CALHM4: variants seen among roughly 807,000 people sequenced by gnomAD.
CALHM4 encodes the protein calcium homeostasis modulator family member 4, also known as calcium homeostasis modulator protein 4.
Under a neutral mutation model 13.3 loss-of-function variants are expected in CALHM4, and 16 were observed. The observed-to-expected ratio is 1.20, with a 90% CI of 0.81 to 1.82. CALHM4 has a LOEUF of 1.82. Among genes scored for constraint, CALHM4 ranks in the 40% most tolerant of loss-of-function variants. CALHM4 has a pLI of 0.00. For missense variants in CALHM4, 344 were observed against 374.9 expected (o/e 0.92, Z 0.68); for synonymous variants, 127 against 137.1 (o/e 0.93, Z 0.52).
chr6:116,561,027 C>T lies in CALHM4; in HGVS notation c.*2816C>T, dbSNP rs1774568018. ...TGAATTGTAGAACCGCATTTATACT[C>T]TGTCCTTCTCTGTGTCTCTTTTCTC... is the stretch of plus-strand genomic sequence containing the variant. On this transcript the variant is annotated 3_prime_UTR_variant, in exon 2 of 2. Transcript: ENST00000368596. Among the ~76,000 whole-genome samples, 1 of 152,206 alleles carries T rather than the reference C, an allele frequency of 6.6e-6. No individual in the cohort carries two copies. Among genetic ancestry groups the T allele is most frequent in the Non-Finnish European group, 1.5e-5 (1 of 68,038 alleles).
At chr6:116,551,022 A>C (rs1211168270), upstream of CALHM4, among the ~76,000 whole-genome samples, 2 of 152,204 alleles carry the variant, frequency 1.3e-5, no homozygotes, top group Non-Finnish European at 2.9e-5. Context: ...CTGTGCCCCA[A>C]GGCCAATCAG....
At chr6:116,532,348 G>A (rs9488957) in intron 1 of CALHM4, among the ~76,000 whole-genome samples, 4,963 of 152,116 alleles carry the variant, frequency 0.033, 263 homozygotes, top group African/African-American at 0.11. Flanking sequence ...CTATCCTTCC[G>A]CGTCTTGCCT....
At chr6:116,557,305 A>G (rs1215458658) in intron 1 of CALHM4, among the ~76,000 whole-genome samples, 1 of 152,180 alleles carries the variant, frequency 6.6e-6, no homozygotes, top group African/African-American at 2.4e-5. Context: ...GCTGCAAAAG[A>G]TAAGAGGAAA....
intron 1 of CALHM4, among the ~76,000 whole-genome samples, chr6:116,535,334 C>T (rs575057885): frequency 6.6e-6 from 1 of 152,298 alleles, no homozygotes; most frequent in South Asian, 2.1e-4. Context: ...CCTTTTTAAT[C>T]TCCACTACAT....
chr6:116,536,454 T>C (rs1773099218), intron 1 of CALHM4, among the ~76,000 whole-genome samples: 1 of 152,230 alleles, frequency 6.6e-6, no homozygotes, highest in Non-Finnish European at 1.5e-5. Flanking sequence ...TACCTGAAGT[T>C]ACACAGTCCT....
Position 116,560,654 on chromosome 6 carries a change from G to C in CALHM4, c.*2443G>C, listed in dbSNP as rs976135596. The stretch of plus-strand genomic sequence containing the variant: ...TAAATGGAATTTTTAGTATTTTGGG[G>C]GGGGGGGGGGCTATGGTCTATAGCA... On this transcript the variant is annotated 3_prime_UTR_variant, in exon 2 of 2. Coordinates refer to ENST00000368596, the MANE Select transcript of CALHM4 (RefSeq NM_001366078.2). Among the ~76,000 whole-genome samples, 7 of 31,160 alleles carry C rather than the reference G, an allele frequency of 2.2e-4. No homozygotes were observed. The highest frequency in any genetic ancestry group is 4.0e-4 in the African/African-American group (7 of 17,480). 20.4% of individuals were successfully genotyped at this position (31,160 alleles called of 152,430 possible).
chr6:116,546,578 C>T (rs1378501288), intron 2 of CALHM4, among the ~76,000 whole-genome samples: 1 of 152,134 alleles, frequency 6.6e-6, no homozygotes, highest in Non-Finnish European at 1.5e-5. Flanking sequence ...TGTTGCAGCC[C>T]TACCATTTAC....
At chr6:116,548,006 G>T (rs1250705638) in intron 2 of CALHM4, among the ~76,000 whole-genome samples, 1 of 152,164 alleles carries the variant, frequency 6.6e-6, no homozygotes, top group Non-Finnish European at 1.5e-5. Flanking sequence ...CTGATCTGTC[G>T]GTTGTATGAT....
upstream of CALHM4, among the ~76,000 whole-genome samples, chr6:116,553,118 C>T (rs908461362): frequency 6.6e-6 from 1 of 152,180 alleles, no homozygotes; most frequent in African/African-American, 2.4e-5. Context: ...TTTCATATAA[C>T]AAAAAGATAC....
chr6:116,537,597 A>T (rs1260300167), intron 1 of CALHM4, among the ~76,000 whole-genome samples: 3 of 152,162 alleles, frequency 2.0e-5, no homozygotes, highest in Non-Finnish European at 4.4e-5. Flanking sequence ...GAGCATTGAA[A>T]GAACTCTTGT....
At chr6:116,547,043 A>G (rs1457965564) in intron 2 of CALHM4, among the ~76,000 whole-genome samples, 1 of 152,194 alleles carries the variant, frequency 6.6e-6, no homozygotes, top group Non-Finnish European at 1.5e-5. Flanking sequence ...AAAAGTAGAG[A>G]GGTTGAGAAA....
chr6:116,557,788 G>T (rs1196941187), intron 1 of CALHM4, 37 bp from the exon 2 acceptor site: 12 of 1,590,018 alleles, frequency 7.5e-6, no homozygotes, highest in Non-Finnish European at 1.0e-5. Flanking sequence ...TTGATGCATT[G>T]ATACTTCCTG....
At chr6:116,539,181 T>C (rs1392956567) in intron 1 of CALHM4, among the ~76,000 whole-genome samples, 1 of 152,250 alleles carries the variant, frequency 6.6e-6, no homozygotes, top group Non-Finnish European at 1.5e-5. Context: ...GCTGGTATTC[T>C]TGTAGTATTG....
chr6:116,540,356 T>C (rs775504525), intron 1 of CALHM4: 83 of 1,550,000 alleles, frequency 5.4e-5, no homozygotes, highest in Non-Finnish European at 7.2e-5. Context: ...GATAAAAACA[T>C]AGTTACCTGG....
intron 2 of CALHM4, among the ~76,000 whole-genome samples, chr6:116,544,151 A>AAGAGAGAGAGAGAGAGAGAGAGAGAG (rs141606346): frequency 1.4e-4 from 19 of 132,918 alleles, no homozygotes; most frequent in Admixed American, 4.0e-4. Context: ...AAAGGTGAAG[A>AAGAGAGAGAGAGAGAGAGAGAGAGAG]AGAGAGAGAG....
intron 1 of CALHM4, among the ~76,000 whole-genome samples, chr6:116,541,493 T>C (rs1274380992): frequency 6.6e-6 from 1 of 152,102 alleles, no homozygotes; most frequent in Non-Finnish European, 1.5e-5. Context: ...AGAGATGAAA[T>C]CTTTGGTGAC....
chr6:116,542,340 A>T (rs1190911338), intron 1 of CALHM4, among the ~76,000 whole-genome samples: 1 of 152,092 alleles, frequency 6.6e-6, no homozygotes, highest in Non-Finnish European at 1.5e-5. Context: ...TAATTTTTTT[A>T]AAAGAAAAAA....
At chr6:116,555,483 G>GT (rs1562365160) in intron 1 of CALHM4, among the ~76,000 whole-genome samples, 1 of 152,158 alleles carries the variant, frequency 6.6e-6, no homozygotes, top group Non-Finnish European at 1.5e-5. Flanking sequence ...AGATTGTTTG[G>GT]TTTTGTGACA....
At chr6:116,554,714 G>T (rs1378061424) in intron 1 of CALHM4, among the ~76,000 whole-genome samples, 1 of 151,930 alleles carries the variant, frequency 6.6e-6, no homozygotes, top group East Asian at 1.9e-4. Flanking sequence ...TAGATGTTAT[G>T]AATATTATTA....
Sources: gnomAD v4.1 joint callset for allele counts (sites outside exome capture counted in the v4.1 genomes callset) on GRCh38, gnomAD v4.1.1 for gene constraint, MANE v1.5 for transcripts, NCBI Gene and HGNC (gene_info 2026-07-23, HGNC 2026-07-21) for gene names.